The following POLQ variants were observed in gnomAD, a reference collection of about 807,000 sequenced individuals.
The protein encoded by POLQ is DNA polymerase theta.
A neutral mutation model predicts 259.2 loss-of-function variants in POLQ; 233 were observed. The observed-to-expected ratio is 0.90, with a 90% CI of 0.81 to 1.00. The LOEUF (loss-of-function observed/expected upper bound fraction) is 1.00, where lower values mean the gene tolerates loss of function less well. POLQ is among the 50% of genes least tolerant of loss of function. The probability of loss-of-function intolerance (pLI) is 0.00; values close to 1 mark genes in which losing one functional copy is unlikely to be tolerated. For synonymous variants in POLQ, 1,025 were observed against 1,048.8 expected, an observed-to-expected ratio of 0.98 and a Z score of 0.44; for missense variants, 2,871 against 3,051.6, an observed-to-expected ratio of 0.94 and a Z score of 1.39.
chr3:121,486,085 G>A (rs554597585), intron 16 of POLQ, among the ~76,000 whole-genome samples: 1 of 152,236 alleles, frequency 6.6e-6, no homozygotes, highest in African/African-American at 2.4e-5. Flanking sequence ...GCTCTGCAAG[G>A]TTTTGGAAGC....
At chr3:121,496,193 T>C (rs75147765) in intron 14 of POLQ, among the ~76,000 whole-genome samples, 1 of 151,318 alleles carries the variant, frequency 6.6e-6, no homozygotes, top group African/African-American at 2.4e-5. Context: ...TTTTTTTTTT[T>C]TGAGACAGAG....
At chr3:121,534,726 T>C (rs1486169195) in intron 5 of POLQ, among the ~76,000 whole-genome samples, 1 of 152,220 alleles carries the variant, frequency 6.6e-6, no homozygotes, top group Non-Finnish European at 1.5e-5. Flanking sequence ...AAAACAACTT[T>C]TGCTGCCCTT....
At chr3:121,519,375 T>TAC (rs10670045) in intron 9 of POLQ, among the ~76,000 whole-genome samples, 4 of 147,180 alleles carry the variant, frequency 2.7e-5, no homozygotes, top group Non-Finnish European at 6.0e-5. Context: ...TATATATATA[T>TAC]ATATATATAT....
At chr3:121,479,879 A>G (rs190948320) in intron 19 of POLQ, among the ~76,000 whole-genome samples, 8 of 152,368 alleles carry the variant, frequency 5.3e-5, no homozygotes, top group Non-Finnish European at 7.3e-5. Context: ...AACAGATAAT[A>G]TAGATGTGGA....
chr3:121,431,619 T>TTTTTTTTTACA lies in POLQ; in HGVS notation c.*684_*685insTGTAAAAAAAA, dbSNP rs1401724725. ...TATATTGACCTGCAATAAAAACATCTGATCTTACAGAACAGGATACCTCTT... is the reference window on the plus strand; with the variant it reads ...TATATTGACCTGCAATAAAAACATCTTTTTTTTTACAGATCTTACAGAACAGGATACCTCTT... On this transcript the variant is annotated 3_prime_UTR_variant, in exon 30 of 30. Coordinates refer to ENST00000264233, the MANE Select transcript of POLQ (RefSeq NM_199420.4). The TTTTTTTTTACA allele has an allele frequency of 6.6e-6, 1 of 152,604 alleles. No individual in the cohort carries two copies. The highest frequency in any genetic ancestry group is 1.5e-5 in the Non-Finnish European group (1 of 68,040). 9.5% of individuals were successfully genotyped at this position (152,604 alleles called of 1,614,324 possible).
intron 11 of POLQ, 108 bp downstream of exon 11, chr3:121,509,931 A>C (rs2048239988): frequency 9.9e-7 from 1 of 1,007,680 alleles, no homozygotes; most frequent in Non-Finnish European, 1.5e-6. Flanking sequence ...TCAAAAAATC[A>C]AATTCCTTTT....
At chr3:121,508,044 G>A (rs908351267) in intron 12 of POLQ, among the ~76,000 whole-genome samples, 2 of 128,872 alleles carry the variant, frequency 1.6e-5, no homozygotes, top group African/African-American at 5.8e-5. Context: ...TTGTTTGGTA[G>A]CGACAGATTC....
At chr3:121,506,454 A>AT (rs2048210003) in intron 12 of POLQ, among the ~76,000 whole-genome samples, 1 of 152,186 alleles carries the variant, frequency 6.6e-6, no homozygotes, top group South Asian at 2.1e-4. Flanking sequence ...CACTAAAGGT[A>AT]CTTTTTGTTT....
At chr3:121,479,716 G>A (rs2047956171) in intron 19 of POLQ, among the ~76,000 whole-genome samples, 1 of 152,044 alleles carries the variant, frequency 6.6e-6, no homozygotes, top group African/African-American at 2.4e-5. Flanking sequence ...GCCTCCCAGA[G>A]TGCTAGGATT....
In POLQ at chr3:121,489,311, A is replaced by G. The variant is rs1304602969; in HGVS notation, c.3620T>C (p.Ile1207Thr). The G allele has an allele frequency of 1.2e-6, 2 of 1,613,786 alleles. No individual in the cohort carries two copies. Among genetic ancestry groups the G allele is most frequent in the Non-Finnish European group, 8.5e-7 (1 of 1,179,858 alleles). ...RKQSHEQTST[I>T]TKQKNIIERQ... ...CTCTATTATATTTTTCTGTTTGGTA[A>G]TAGTGCTTGTCTGTTCATGAGATTG... The change falls in exon 16 of 30, where the codon ATT (isoleucine) becomes ACT (threonine). Residue 1207 changes from isoleucine (I) to threonine (T), a missense_variant. This residue lies in a region of POLQ where 2,080 missense variants were observed against 2,126.0 expected (regional missense o/e 0.98). Transcript: ENST00000264233.
At chr3:121,526,631 C>T (rs2048375133) in intron 7 of POLQ, among the ~76,000 whole-genome samples, 1 of 152,022 alleles carries the variant, frequency 6.6e-6, no homozygotes, top group African/African-American at 2.4e-5. Context: ...CTTGCATCTC[C>T]TGTTATCTTG....
chr3:121,514,383 A>G (rs1445941430), intron 9 of POLQ, among the ~76,000 whole-genome samples: 1 of 149,150 alleles, frequency 6.7e-6, no homozygotes, highest in Non-Finnish European at 1.5e-5. Flanking sequence ...AAAAAAACCC[A>G]AAACTTGGGA....
intron 15 of POLQ, among the ~76,000 whole-genome samples, chr3:121,490,738 G>C (rs1329137108): frequency 1.3e-5 from 2 of 152,196 alleles, no homozygotes; most frequent in African/African-American, 4.8e-5. Context: ...CTTTAAAAAA[G>C]TGAAAGCCAT....
At chr3:121,450,615 C>T (rs1478830470) in intron 25 of POLQ, among the ~76,000 whole-genome samples, 7 of 148,802 alleles carry the variant, frequency 4.7e-5, no homozygotes, top group Non-Finnish European at 1.0e-4. Flanking sequence ...TGAATATTGG[C>T]CCCAACTTTT....
intron 12 of POLQ, among the ~76,000 whole-genome samples, chr3:121,507,974 C>T (rs2048222337): frequency 6.6e-6 from 1 of 151,072 alleles, no homozygotes; most frequent in Non-Finnish European, 1.5e-5. Flanking sequence ...CTGTCTCAGC[C>T]TTCCAAGTAG....
Position 121,533,179 on chromosome 3 carries a change from A to G in POLQ, c.771T>C (p.Asn257=), listed in dbSNP as rs779164739. 1.9e-5 allele frequency: 31 copies of G among 1,609,676 alleles called. No individual in the cohort carries two copies. The East Asian group carries it at 2.7e-4, about 14-fold the overall frequency. The stretch of plus-strand genomic sequence containing the variant: ...CACTCATGCCAACGATTTGCACAGC[A>G]TTAGACAGAGAACTGGCTAGATCTG... ...CQADLASSLS[N]AVQIVGMSAT... is the part of the protein sequence containing the mutation. The change falls in exon 6 of 30, where the codon AAT becomes AAC. Residue 257 remains asparagine, a synonymous_variant. Coordinates refer to ENST00000264233, the MANE Select transcript of POLQ (RefSeq NM_199420.4).
At chr3:121,510,374 G>C in intron 10 of POLQ, 131 bp from the exon 11 acceptor site, 1 of 630,676 alleles carries the variant, frequency 1.6e-6, no homozygotes, top group Non-Finnish European at 2.8e-6. Flanking sequence ...TCTGGAGATG[G>C]AGACCATCCT....
At chr3:121,520,334 G>A (rs898144122) in intron 8 of POLQ, among the ~76,000 whole-genome samples, 3 of 152,018 alleles carry the variant, frequency 2.0e-5, no homozygotes, top group East Asian at 1.9e-4. Context: ...TCAGGAGTTC[G>A]AGACCAGCCT....
chr3:121,447,844 G>A (rs1003803943), intron 26 of POLQ, among the ~76,000 whole-genome samples: 33 of 152,118 alleles, frequency 2.2e-4, no homozygotes, highest in African/African-American at 8.0e-4. Flanking sequence ...CAGGGTAAAA[G>A]CTGTTTTTCC....
Sources: allele counts gnomAD v4.1 joint callset (sites outside exome capture counted in the v4.1 genomes callset), GRCh38; gene constraint gnomAD v4.1.1; regional missense constraint gnomAD v4.1.1; transcripts MANE v1.5; gene names NCBI Gene and HGNC (gene_info 2026-07-23, HGNC 2026-07-21).